LCP2: variants seen among roughly 807,000 people sequenced by gnomAD.
The protein encoded by LCP2 is 76 kDa tyrosine phosphoprotein.
Under a neutral mutation model 74.5 loss-of-function variants are expected in LCP2, and 29 were observed. The ratio of observed to expected loss-of-function variants is 0.39; its 90% CI spans 0.29 to 0.53. LCP2 has a LOEUF of 0.53. Ranked by LOEUF, LCP2 falls within the 20% of genes least tolerant of loss-of-function variation. LCP2 has a pLI of 0.72. For missense variants in LCP2, 604 were observed against 634.6 expected (o/e 0.95, Z 0.52); for synonymous variants, 228 against 229.5 (o/e 0.99, Z 0.06).
rs1762246272 is a variant in LCP2, at chr5:170,289,641, CTTTCTTTCT to C, written c.142-1634_142-1626del. ...TTTTTCTTTCTTTCTTTCTTTCTTT[CTTTCTTTCT>C]TTCTTTCTTTCTTTCTTTCTTTCTC... On this transcript the variant is annotated intron_variant, in intron 2 of 20. Coordinates refer to ENST00000046794, the MANE Select transcript of LCP2 (RefSeq NM_005565.5). Among the ~76,000 whole-genome samples the C allele has an allele frequency of 3.7e-5, 4 of 108,888 alleles. No homozygotes were observed. In the South Asian group the frequency reaches 1.3e-3, roughly 35 times the overall value. 71.4% of individuals were successfully genotyped at this position (108,888 alleles called of 152,430 possible).
chr5:170,268,380 C>T lies in LCP2; in HGVS notation c.621+5G>A. Reference sequence around the variant, plus strand: ...AGTACTGTAAAAGAACGGGAGGAGGCCTACCGAGTGATTCCGGCCGGCTGG... The same window carrying T: ...AGTACTGTAAAAGAACGGGAGGAGGTCTACCGAGTGATTCCGGCCGGCTGG... On this transcript the variant is annotated splice_donor_5th_base_variant and intron_variant, in intron 8 of 20. Transcript: ENST00000046794. 1 of 712,250 alleles carries T rather than the reference C, an allele frequency of 1.4e-6. No individual in the cohort carries two copies. Among genetic ancestry groups the T allele is most frequent in the African/African-American group, 1.9e-5 (1 of 53,166 alleles). The allele number at this position is 712,250 out of a possible 1,614,324, so 44.1% of individuals were successfully genotyped here. A position where few individuals can be genotyped will look rare whatever the true frequency, so the allele number is the denominator to read the frequency against.
intron 2 of LCP2, 70 bp downstream of exon 2, chr5:170,293,240 T>C (rs1359156185): frequency 2.7e-6 from 4 of 1,462,004 alleles, no homozygotes; most frequent in South Asian, 1.2e-5. Flanking sequence ...GTAGGCCAGT[T>C]GGCCCTGCAG....
At chr5:170,251,969 A>C in intron 19 of LCP2, 1 of 239,322 alleles carries the variant, frequency 4.2e-6, no homozygotes, top group Non-Finnish European at 8.7e-6. Flanking sequence ...AAATATGTTT[A>C]AGACTTTATG....
At chr5:170,274,479 T>C (rs1761951207) in intron 5 of LCP2, 141 bp from the exon 6 acceptor site, 1 of 825,476 alleles carries the variant, frequency 1.2e-6, no homozygotes, top group Non-Finnish European at 2.0e-6. Flanking sequence ...CCCCTGCAGG[T>C]TTAGCCACTT....
At chr5:170,278,767 A>G (rs1327315725) in intron 3 of LCP2, among the ~76,000 whole-genome samples, 2 of 152,194 alleles carry the variant, frequency 1.3e-5, no homozygotes, top group East Asian at 1.9e-4. Context: ...CGGGGCTCGA[A>G]TTGGGTGAGG....
In LCP2 at chr5:170,247,756, A is replaced by G. The variant is rs1317802527; in HGVS notation, c.*941T>C. On this transcript the variant is annotated 3_prime_UTR_variant, in exon 21 of 21. Transcript: ENST00000046794. Reference sequence around the variant, plus strand: ...ACAAGAGACAGAAGAGCCATATCTAATAGGAAAGTCTGATCACATTTAATC... The same window carrying G: ...ACAAGAGACAGAAGAGCCATATCTAGTAGGAAAGTCTGATCACATTTAATC... 6.6e-6 allele frequency: 1 copy of G among 152,196 alleles called. No individual in the cohort carries two copies. The highest frequency in any genetic ancestry group is 1.5e-5 in the Non-Finnish European group (1 of 68,040). The allele number at this position is 152,196 out of a possible 1,614,324, so 9.4% of individuals were successfully genotyped here.
rs1561967430 is a variant in LCP2 at position 170,256,793 on chromosome 5, T to C, written c.1101-218A>G. ...GACCATGCCAAAGTCTAACAAGCTT[T>C]ATAAAGCAGAACAGCAACAACATTC... On this transcript the variant is annotated intron_variant, in intron 16 of 20. Coordinates refer to ENST00000046794, the MANE Select transcript of LCP2 (RefSeq NM_005565.5). This position sits in a 1 kb window ranked among gnomAD's most constrained non-coding sequence, Gnocchi z 4.5. Among the ~76,000 whole-genome samples, 3 of 152,188 alleles carry C rather than the reference T, an allele frequency of 2.0e-5. No homozygotes were observed. Among genetic ancestry groups the C allele is most frequent in the Non-Finnish European group, 4.4e-5 (3 of 68,030 alleles).
rs372376702 is a variant in LCP2 at position 170,262,655 on chromosome 5, C to T, written c.906G>A (p.Gly302=). The T allele has an allele frequency of 1.5e-5, 25 of 1,613,580 alleles. No homozygotes were observed. Among genetic ancestry groups the T allele is most frequent in the African/African-American group, 1.2e-4 (9 of 74,940 alleles). Residue 302 remains glycine (G), a synonymous_variant, in exon 13 of 21, where the codon GGG becomes GGA. Coordinates refer to ENST00000046794, the MANE Select transcript of LCP2 (RefSeq NM_005565.5). ...ATTACTTTGGCACAGGTGGCTTCTT[C>T]CCTGGCAGGGGGCTGCTCCTTTCAT... ...ERHERSSPLP[G]KKPPVPKHGW... is the part of the protein sequence containing the mutation.
chr5:170,263,081 G>T, intron 10 of LCP2, 89 bp from the exon 11 acceptor site: 1 of 1,468,574 alleles, frequency 6.8e-7, no homozygotes, highest in South Asian at 1.2e-5. Context: ...CTATGAGTCT[G>T]AACCCTCTTG....
intron 3 of LCP2, 40 bp downstream of exon 3, chr5:170,287,930 T>A: frequency 1.3e-6 from 2 of 1,594,552 alleles, no homozygotes; most frequent in Non-Finnish European, 1.7e-6. Context: ...CATTCCCACC[T>A]CTGCTCCCAG....
chr5:170,280,709 A>G lies in LCP2; in HGVS notation c.189-4849T>C, dbSNP rs939788173. ...AGTATAATTATTCTCATTTTTACAA[A>G]TAAAAAAGGCAGGGCTGGCCAGGTG... On this transcript the variant is annotated intron_variant, in intron 3 of 20. Transcript: ENST00000046794. Among the ~76,000 whole-genome samples, 27 of 152,184 alleles carry G rather than the reference A, an allele frequency of 1.8e-4. 1 individual carries two copies. Among genetic ancestry groups the G allele is most frequent in the Admixed American group, 2.6e-4 (4 of 15,278 alleles).
At chr5:170,273,921 G>T (rs114071446) in intron 6 of LCP2, 83,721 of 152,326 alleles carry the variant, frequency 0.55, 20,453 homozygotes, top group Middle Eastern at 0.69. Flanking sequence ...TTTTGGAGAC[G>T]GGGGGGTAGT....
Position 170,293,327 on chromosome 5 carries a change from C to T in LCP2, c.124G>A (p.Asp42Asn), listed in dbSNP as rs550283765. 4.1e-5 allele frequency: 66 copies of T among 1,607,492 alleles called. No individual in the cohort carries two copies. Among genetic ancestry groups the T allele is most frequent in the South Asian group, 1.3e-4 (12 of 89,446 alleles). The change falls in exon 2 of 21, where the codon GAT (aspartate) becomes AAT (asparagine). Residue 42 changes from aspartate (D) to asparagine (N), a missense_variant. By Grantham distance (23) the Asp-to-Asn change is conservative. Coordinates refer to ENST00000046794, the MANE Select transcript of LCP2 (RefSeq NM_005565.5). ...GAGCTTACCAAGAAGCGAGCCCCATCGATGTGGTACTTCTTCACTGCCTTC... is the reference window on the plus strand; with the variant it reads ...GAGCTTACCAAGAAGCGAGCCCCATTGATGTGGTACTTCTTCACTGCCTTC... ...CEKAVKKYHI[D>N]GARFLNLTEN...
intron 3 of LCP2, among the ~76,000 whole-genome samples, chr5:170,276,780 G>A (rs113081374): frequency 0.021 from 3,157 of 152,092 alleles, 126 homozygotes; most frequent in African/African-American, 0.072. Context: ...GTGTTTCCTC[G>A]AGATTTGGGG....
At chr5:170,285,985 T>C (rs1250399660) in intron 3 of LCP2, among the ~76,000 whole-genome samples, 1 of 152,318 alleles carries the variant, frequency 6.6e-6, no homozygotes, top group Admixed American at 6.5e-5. Context: ...CAAGCAACCA[T>C]AGGCTTCACC....
intron 3 of LCP2, among the ~76,000 whole-genome samples, chr5:170,278,953 G>T (rs950159935): frequency 6.6e-5 from 10 of 152,140 alleles, no homozygotes; most frequent in African/African-American, 2.4e-4. Context: ...TCTGGTGGAC[G>T]GTGCAACAGT....
intron 10 of LCP2, among the ~76,000 whole-genome samples, chr5:170,264,573 G>A (rs779553339): frequency 6.9e-4 from 105 of 152,252 alleles, no homozygotes; most frequent in Admixed American, 2.8e-3. Context: ...CAAGACAGGA[G>A]AATCACTTGA....
intron 3 of LCP2, among the ~76,000 whole-genome samples, chr5:170,287,548 C>T (rs1762204171): frequency 6.6e-6 from 1 of 152,178 alleles, no homozygotes; most frequent in Admixed American, 6.5e-5. Context: ...TCAGTATCAA[C>T]ACATAATTAT....
intron 5 of LCP2, 105 bp from the exon 6 acceptor site, chr5:170,274,443 T>G: frequency 8.6e-7 from 1 of 1,163,106 alleles, no homozygotes; most frequent in Admixed American, 2.0e-5. Flanking sequence ...CAATGCCCCT[T>G]CCCTGGCCTC....
Sources: gnomAD v4.1 joint callset for allele counts (sites outside exome capture counted in the v4.1 genomes callset) on GRCh38, gnomAD v4.1.1 for gene constraint, Gnocchi (gnomAD v3.1) non-coding constraint, MANE v1.5 for transcripts, NCBI Gene and HGNC (gene_info 2026-07-23, HGNC 2026-07-21) for gene names.